The following WLS variants were observed in gnomAD, a reference collection of about 807,000 sequenced individuals.
WLS encodes Wnt ligand secretion mediator, also known as protein wntless homolog.
WLS carries 23 observed loss-of-function variants against 62.8 expected under a neutral mutation model. The observed-to-expected ratio is 0.37, with a 90% CI of 0.26 to 0.52. The LOEUF (loss-of-function observed/expected upper bound fraction) is 0.52. WLS is among the 20% of genes least tolerant of loss of function. WLS has a pLI of 0.92. For synonymous variants in WLS, 246 were observed against 244.1 expected, an observed-to-expected ratio of 1.01 and a Z score of -0.07; for missense variants, 615 against 697.3, an observed-to-expected ratio of 0.88 and a Z score of 1.33.
intron 1 of WLS, among the ~76,000 whole-genome samples, chr1:68,196,068 A>G (rs2116047): frequency 0.34 from 52,107 of 151,400 alleles, 9,164 homozygotes; most frequent in Middle Eastern, 0.43. Context: ...TATTTTTATC[A>G]ATATCTGCTA....
intron 11 of WLS, among the ~76,000 whole-genome samples, chr1:68,137,318 A>T (rs1308224426): frequency 1.3e-5 from 2 of 152,178 alleles, no homozygotes; most frequent in Non-Finnish European, 2.9e-5. Flanking sequence ...TTAGACATAC[A>T]TCGAAAAATC....
intron 11 of WLS, among the ~76,000 whole-genome samples, chr1:68,118,611 C>A (rs546529111): frequency 1.3e-5 from 2 of 150,492 alleles, no homozygotes; most frequent in African/African-American, 4.9e-5. Flanking sequence ...TGTGGTGGCT[C>A]ACGCCTGTAA....
chr1:68,208,195 GGAT>G (rs1649360894), intron 1 of WLS, among the ~76,000 whole-genome samples: 1 of 152,154 alleles, frequency 6.6e-6, no homozygotes, highest in Non-Finnish European at 1.5e-5. Context: ...TAGAAAAATG[GGAT>G]GATAACATCT....
At chr1:68,118,899 A>AAAAAAAAAAAAAAAAAT (rs1646330307) in intron 11 of WLS, among the ~76,000 whole-genome samples, 1 of 148,894 alleles carries the variant, frequency 6.7e-6, no homozygotes, top group Non-Finnish European at 1.5e-5. Context: ...AAAAAAAAAA[A>AAAAAAAAAAAAAAAAAT]AAAGCACCTG....
At chr1:68,105,849 G>A (rs1646136229) in intron 11 of WLS, among the ~76,000 whole-genome samples, 1 of 152,148 alleles carries the variant, frequency 6.6e-6, no homozygotes, top group South Asian at 2.1e-4. Flanking sequence ...CACCAGATGA[G>A]TGGACAGAGA....
intron 2 of WLS, among the ~76,000 whole-genome samples, chr1:68,170,189 G>T (rs1647129532): frequency 1.5e-5 from 1 of 67,896 alleles, no homozygotes; most frequent in African/African-American, 5.1e-5. Flanking sequence ...TTTTGAGATG[G>T]AGTTTCGCTC....
In WLS at chr1:68,232,176, GC is replaced by G; in HGVS notation, c.106+17del. On this transcript the variant is annotated intron_variant, in intron 1 of 11. Transcript: ENST00000262348. ...AAAAGACAGAAAGGGGGAAAAGTTT[GC>G]AGCTCTCCGCACTTACCAATCAAGC... 6.2e-7 allele frequency: 1 copy of G among 1,613,786 alleles called. No individual in the cohort carries two copies. Among genetic ancestry groups the G allele is most frequent in the Non-Finnish European group, 8.5e-7 (1 of 1,179,888 alleles).
rs539004461 is a variant in WLS, at chr1:68,159,304, C to G, written c.380-57G>C. The G allele has an allele frequency of 7.1e-5, 113 of 1,580,728 alleles. 1 individual carries two copies. In the South Asian group the frequency reaches 1.2e-3, roughly 17 times the overall value. ...GACTTTTGGAAAGATATTTTAGAAA[C>G]AGCTCAAAAAATTCTTATAGGCTTT... On this transcript the variant is annotated intron_variant, in intron 2 of 11. Coordinates refer to ENST00000262348, the MANE Select transcript of WLS (RefSeq NM_024911.7).
chr1:68,180,651 A>G (rs1268533642), intron 2 of WLS, among the ~76,000 whole-genome samples: 30 of 152,138 alleles, frequency 2.0e-4, no homozygotes, highest in Admixed American at 2.0e-3. Context: ...TTGGATTACC[A>G]ATAAATAGCA....
chr1:68,125,434 C>T lies in WLS; in HGVS notation c.*792G>A, dbSNP rs1002240248. ...AGGTTTATTTAAATGATTGGATCTA[C>T]ACTTTTGGAGGCTATTTGAAGTATC... On this transcript the variant is annotated 3_prime_UTR_variant, in exon 12 of 12. Coordinates refer to ENST00000262348, the MANE Select transcript of WLS (RefSeq NM_024911.7). 43 of 985,316 alleles carry T rather than the reference C, an allele frequency of 4.4e-5. No homozygotes were observed. The Admixed American group carries it at 5.5e-4, about 13-fold the overall frequency. 61.0% of individuals were successfully genotyped at this position (985,316 alleles called of 1,614,324 possible).
chr1:68,161,117 G>A (rs1646966153), intron 2 of WLS, among the ~76,000 whole-genome samples: 1 of 152,168 alleles, frequency 6.6e-6, no homozygotes. Context: ...CAAACAGCTT[G>A]TGAAAGTTAA....
chr1:68,169,928 T>C (rs1647121107), intron 2 of WLS, among the ~76,000 whole-genome samples: 2 of 152,186 alleles, frequency 1.3e-5, no homozygotes, highest in African/African-American at 4.8e-5. Flanking sequence ...CCTTGGAAGA[T>C]GAGTAAGAGC....
chr1:68,112,250 T>C (rs542368388), intron 11 of WLS, among the ~76,000 whole-genome samples: 16 of 152,202 alleles, frequency 1.1e-4, no homozygotes, highest in Non-Finnish European at 2.2e-4. Flanking sequence ...CCAGGTGCTC[T>C]TATGCAGTGC....
intron 11 of WLS, among the ~76,000 whole-genome samples, chr1:68,136,562 G>T (rs961676481): frequency 1.3e-5 from 2 of 152,162 alleles, no homozygotes; most frequent in Non-Finnish European, 2.9e-5. Flanking sequence ...ATGTACTAAA[G>T]GCATTAACAT....
At chr1:68,188,353 G>GA (rs1648090449) in intron 2 of WLS, among the ~76,000 whole-genome samples, 1 of 152,180 alleles carries the variant, frequency 6.6e-6, no homozygotes, top group Non-Finnish European at 1.5e-5. Context: ...AGTGGCAGAA[G>GA]AATGATACAA....
chr1:68,120,663 A>G (rs919593330), downstream of WLS, among the ~76,000 whole-genome samples: 5 of 152,110 alleles, frequency 3.3e-5, no homozygotes, highest in African/African-American at 1.2e-4. Flanking sequence ...ACAAAGTTGC[A>G]TATTACAACA....
At chr1:68,152,808 T>C (rs1646845056) in intron 5 of WLS, among the ~76,000 whole-genome samples, 1 of 152,166 alleles carries the variant, frequency 6.6e-6, no homozygotes, top group Non-Finnish European at 1.5e-5. Flanking sequence ...TGTATATTAA[T>C]AGAATCCAGC....
chr1:68,155,230 A>T lies in WLS; in HGVS notation c.535T>A (p.Cys179Ser), dbSNP rs1300394069. The T allele has an allele frequency of 6.2e-7, 1 of 1,613,630 alleles. No individual in the cohort carries two copies. Among genetic ancestry groups the T allele is most frequent in the Non-Finnish European group, 8.5e-7 (1 of 1,179,838 alleles). ...TPEHEGRYYECDVLPFMEIGS... is the reference protein window; with the variant it reads ...TPEHEGRYYESDVLPFMEIGS... Reference sequence around the variant, plus strand: ...ATTTCCATGAAAGGAAGGACATCACATTCATAGTAACGGCCCTCATGCTCT... The same window carrying T: ...ATTTCCATGAAAGGAAGGACATCACTTTCATAGTAACGGCCCTCATGCTCT... Residue 179 changes from cysteine to serine, a missense_variant, in exon 4 of 12, where the codon TGT (cysteine) becomes AGT (serine). Physicochemically the swap from Cys to Ser is moderately radical, Grantham distance 112. Transcript: ENST00000262348.
At chr1:68,163,774 C>T (rs962561519) in intron 2 of WLS, among the ~76,000 whole-genome samples, 28 of 152,170 alleles carry the variant, frequency 1.8e-4, no homozygotes, top group Non-Finnish European at 3.8e-4. Context: ...CCTGAGTTTG[C>T]TCCATACCCA....
Sources: allele counts gnomAD v4.1 joint callset (sites outside exome capture counted in the v4.1 genomes callset), GRCh38; gene constraint gnomAD v4.1.1; transcripts MANE v1.5; gene names NCBI Gene and HGNC (gene_info 2026-07-23, HGNC 2026-07-21).